Variants in DKK3 observed in about 807,000 individuals in gnomAD.
DKK3 encodes the protein dickkopf Wnt signaling pathway inhibitor 3, also known as dickkopf-related protein 3.
In DKK3, 22 loss-of-function variants were observed where a neutral mutation model predicts 33.2. That is an observed-to-expected ratio of 0.66 (90% CI 0.47 to 0.95). DKK3 has a LOEUF of 0.95. Among genes scored for constraint, DKK3 ranks in the 40% least tolerant of loss-of-function variants. The probability of loss-of-function intolerance (pLI) is 0.00; values close to 1 mark genes in which losing one functional copy is unlikely to be tolerated. For synonymous variants in DKK3, 194 were observed against 188.8 expected (o/e 1.03, Z -0.23); for missense variants, 398 against 458.4 (o/e 0.87, Z 1.20).
chr11:11,977,049 G>A (rs1847848939), intron 3 of DKK3, among the ~76,000 whole-genome samples: 2 of 152,180 alleles, frequency 1.3e-5, no homozygotes, highest in South Asian at 4.1e-4. Flanking sequence ...GAGCCCATCA[G>A]TGCCAGCTAT....
Position 12,002,373 on chromosome 11 carries a change from C to G in DKK3, c.278G>C (p.Ser93Thr), listed in dbSNP as rs1219582808. The change falls in exon 2 of 7, where the codon AGC (serine) becomes ACC (threonine). Residue 93 changes from serine to threonine, a missense_variant. Transcript: ENST00000683431. ...GTCTGTGTTGGTCTCATTGTGATAGCTGGGAGGTAAGTTTGCCAGGTTCAC... is the reference window on the plus strand; with the variant it reads ...GTCTGTGTTGGTCTCATTGTGATAGGTGGGAGGTAAGTTTGCCAGGTTCAC... ...SEVNLANLPP[S>T]YHNETNTDTK... 3.1e-6 allele frequency: 5 copies of G among 1,614,002 alleles called. No homozygotes were observed. The South Asian group carries it at 4.4e-5, about 14-fold the overall frequency.
chr11:11,967,818 G>T (rs1206731204), intron 4 of DKK3, among the ~76,000 whole-genome samples: 1 of 152,156 alleles, frequency 6.6e-6, no homozygotes, highest in African/African-American at 2.4e-5. Context: ...CCTGCACTGG[G>T]GCAGTGCCCT....
At chr11:11,996,104 G>C (rs1848286911) in intron 3 of DKK3, among the ~76,000 whole-genome samples, 1 of 152,198 alleles carries the variant, frequency 6.6e-6, no homozygotes, top group African/African-American at 2.4e-5. Flanking sequence ...CCTGTGTATA[G>C]TATTTTAAGG....
intron 1 of DKK3, among the ~76,000 whole-genome samples, chr11:12,006,785 C>T (rs559507230): frequency 1.3e-5 from 2 of 152,332 alleles, no homozygotes; most frequent in African/African-American, 2.4e-5. Flanking sequence ...CAGAGGACCA[C>T]GCTGCAGACT....
intron 3 of DKK3, among the ~76,000 whole-genome samples, chr11:11,983,424 C>T (rs1409037212): frequency 2.0e-5 from 3 of 152,166 alleles, no homozygotes; most frequent in African/African-American, 7.2e-5. Flanking sequence ...ATCCCAAAGG[C>T]TTAGGGCTGG....
chr11:11,969,722 C>T (rs1186567565), intron 3 of DKK3, among the ~76,000 whole-genome samples: 4 of 152,160 alleles, frequency 2.6e-5, no homozygotes, highest in Non-Finnish European at 5.9e-5. Flanking sequence ...AGAGCCTGGC[C>T]GGGCAGGCCT....
upstream of DKK3, chr11:12,009,343 C>G: frequency 2.4e-6 from 2 of 845,174 alleles, no homozygotes; most frequent in South Asian, 1.2e-4. Context: ...AGACGCGCCC[C>G]GCCCGCCCAC....
At chr11:11,967,323 G>A (rs1847621946) in intron 4 of DKK3, among the ~76,000 whole-genome samples, 1 of 152,214 alleles carries the variant, frequency 6.6e-6, no homozygotes, top group Non-Finnish European at 1.5e-5. Flanking sequence ...AGGACTCATG[G>A]ATCTGAGTCT....
At chr11:11,996,245 G>C (rs1303074928) in intron 3 of DKK3, among the ~76,000 whole-genome samples, 1 of 152,160 alleles carries the variant, frequency 6.6e-6, no homozygotes, top group Non-Finnish European at 1.5e-5. Flanking sequence ...GATAGAATGA[G>C]ACAGTGGTGA....
chr11:11,998,536 G>A, intron 3 of DKK3, 160 bp downstream of exon 3: 1 of 712,064 alleles, frequency 1.4e-6, no homozygotes, highest in South Asian at 1.6e-5. Flanking sequence ...GACTACATCT[G>A]TCTGGTCAGA....
At chr11:12,008,712 T>G (rs1298002684), upstream of DKK3, 52 of 1,208,336 alleles carry the variant, frequency 4.3e-5, no homozygotes, top group Non-Finnish European at 4.4e-5. The surrounding 1 kb of genome is among the most constrained non-coding windows in gnomAD (Gnocchi z 4.6). Flanking sequence ...CGCCCCTCTT[T>G]CCCGCACCCG....
In DKK3 at chr11:11,965,979, A is replaced by C; in HGVS notation, c.674-14T>G. 6.2e-7 allele frequency: 1 copy of C among 1,607,038 alleles called. No homozygotes were observed. Among genetic ancestry groups the C allele is most frequent in the Non-Finnish European group, 8.5e-7 (1 of 1,178,232 alleles). ...GGAACAGCAGGCCTGGAACCAGCCCAGAGTCACCCCTGTGTGCCCCGTGTA... is the reference window on the plus strand; with the variant it reads ...GGAACAGCAGGCCTGGAACCAGCCCCGAGTCACCCCTGTGTGCCCCGTGTA... On this transcript the variant is annotated splice_polypyrimidine_tract_variant and intron_variant, in intron 5 of 6. Coordinates refer to ENST00000683431, the MANE Select transcript of DKK3 (RefSeq NM_001018057.2).
At chr11:11,976,860 G>C (rs375331509) in intron 3 of DKK3, among the ~76,000 whole-genome samples, 16 of 152,274 alleles carry the variant, frequency 1.1e-4, no homozygotes, top group African/African-American at 3.9e-4. Context: ...CAGGCCAGTC[G>C]CAGGAGCCTG....
At position 11,968,469 on chromosome 11, in the gene DKK3, C is replaced by A. The variant is rs1590500561; in HGVS notation, c.454G>T (p.Asp152Tyr). The A allele has an allele frequency of 1.9e-6, 3 of 1,613,262 alleles. No individual in the cohort carries two copies. Among genetic ancestry groups the A allele is most frequent in the Non-Finnish European group, 2.5e-6 (3 of 1,179,594 alleles). The change falls in exon 4 of 7, where the codon GAC becomes TAC. Residue 152 changes from aspartate to tyrosine, a missense_variant. Coordinates refer to ENST00000683431, the MANE Select transcript of DKK3 (RefSeq NM_001018057.2). ...RRSHECIIDE[D>Y]CGPSMYCQFA... ...TGGCAGTACATGCTGGGCCCACAGT[C>A]CTCGTCGATGATGCACTCCTGGGGA...
intron 3 of DKK3, chr11:11,998,335 G>T: frequency 2.9e-6 from 1 of 350,114 alleles, no homozygotes. Flanking sequence ...GATTACAAAA[G>T]GGGTAGCCAT....
intron 3 of DKK3, among the ~76,000 whole-genome samples, chr11:11,983,273 C>T (rs930888466): frequency 6.6e-6 from 1 of 152,222 alleles, no homozygotes; most frequent in Non-Finnish European, 1.5e-5. Context: ...TCCCTCCACA[C>T]TCTCAGCACT....
intron 3 of DKK3, among the ~76,000 whole-genome samples, chr11:11,993,592 T>C (rs991986184): frequency 1.2e-4 from 19 of 152,198 alleles, no homozygotes; most frequent in Non-Finnish European, 1.5e-5. Flanking sequence ...ACATCAACTT[T>C]ATTTATTTGG....
At chr11:11,984,665 A>G (rs1262133649) in intron 3 of DKK3, among the ~76,000 whole-genome samples, 1 of 151,540 alleles carries the variant, frequency 6.6e-6, no homozygotes, top group Non-Finnish European at 1.5e-5. Context: ...TAAAAAAAAA[A>G]AAAAAAAGAA....
chr11:11,982,687 A>T (rs965270585), intron 3 of DKK3, among the ~76,000 whole-genome samples: 20 of 152,028 alleles, frequency 1.3e-4, no homozygotes, highest in Non-Finnish European at 1.0e-4. Context: ...GGCCAGGGAG[A>T]GCACAGCCAG....
Sources: gnomAD v4.1 joint callset for allele counts (sites outside exome capture counted in the v4.1 genomes callset) on GRCh38, gnomAD v4.1.1 for gene constraint, Gnocchi (gnomAD v3.1) non-coding constraint, MANE v1.5 for transcripts, NCBI Gene and HGNC (gene_info 2026-07-23, HGNC 2026-07-21) for gene names.